CPED1: variants seen among roughly 807,000 people sequenced by gnomAD.
CPED1 encodes cadherin-like and PC-esterase domain-containing protein 1.
Under a neutral mutation model 128.2 loss-of-function variants are expected in CPED1, and 114 were observed. That is an observed-to-expected ratio of 0.89 (90% CI 0.76 to 1.04). The LOEUF is 1.04. CPED1 is among the 50% of genes least tolerant of loss of function. The probability of loss-of-function intolerance (pLI) is 0.00; values close to 1 mark genes in which losing one functional copy is unlikely to be tolerated. For synonymous variants in CPED1, 462 were observed against 426.7 expected (o/e 1.08, Z -1.02); for missense variants, 1,211 against 1,207.1 (o/e 1.00, Z -0.05).
chr7:121,055,910 G>A (rs1053437555), intron 4 of CPED1, among the ~76,000 whole-genome samples: 1 of 151,922 alleles, frequency 6.6e-6, no homozygotes, highest in African/African-American at 2.4e-5. Flanking sequence ...AATTTTGAAT[G>A]TGTTTTATCT....
At chr7:121,166,001 A>T (rs1273346247) in intron 16 of CPED1, among the ~76,000 whole-genome samples, 2 of 152,178 alleles carry the variant, frequency 1.3e-5, no homozygotes, top group Non-Finnish European at 2.9e-5. Flanking sequence ...GGCTATTTTG[A>T]CAAATCAACA....
intron 7 of CPED1, among the ~76,000 whole-genome samples, chr7:121,111,919 A>G (rs558071616): frequency 4.8e-4 from 73 of 152,316 alleles, no homozygotes; most frequent in Non-Finnish European, 9.7e-4. Context: ...TCATGGTTCT[A>G]TAAATTGTCT....
Position 121,294,978 on chromosome 7 carries a change from A to T in CPED1, c.2869-462A>T, listed in dbSNP as rs182392697. On this transcript the variant is annotated intron_variant, in intron 22 of 22. Coordinates refer to ENST00000310396, the MANE Select transcript of CPED1 (RefSeq NM_024913.5). ...GCTTATAAGTCTGCAATGGAAAAAA[A>T]TTTTTTCTTTTCTCTGAAAATAGTT... Among the ~76,000 whole-genome samples the T allele has an allele frequency of 2.6e-3, 393 of 152,162 alleles. 2 individuals are homozygous for T. The highest frequency in any genetic ancestry group is 4.2e-3 in the Admixed American group (64 of 15,290).
At chr7:121,067,027 C>T (rs1283669905) in intron 5 of CPED1, among the ~76,000 whole-genome samples, 1 of 151,934 alleles carries the variant, frequency 6.6e-6, no homozygotes, top group Non-Finnish European at 1.5e-5. Flanking sequence ...GGAACTTGAG[C>T]ACCCATGGAT....
rs149776557 is a variant in CPED1 at position 121,232,592 on chromosome 7, G to A, written c.2056-4122G>A. Among the ~76,000 whole-genome samples, 551 of 152,182 alleles carry A rather than the reference G, an allele frequency of 3.6e-3. 6 individuals are homozygous for A. Among genetic ancestry groups the A allele is most frequent in the African/African-American group, 0.013 (530 of 41,542 alleles). ...GCTAAGAGTGAATTTATCTCCCCAG[G>A]AATGTCAGTTCTTCTGGGGAAAGGA... On this transcript the variant is annotated intron_variant, in intron 16 of 22. Transcript: ENST00000310396.
At chr7:121,042,065 C>T (rs1793071291) in intron 3 of CPED1, among the ~76,000 whole-genome samples, 1 of 151,662 alleles carries the variant, frequency 6.6e-6, no homozygotes, top group Admixed American at 6.6e-5. Context: ...TATTTAAGAC[C>T]TTGGTAAGCC....
At chr7:121,169,963 C>T (rs1247943467) in intron 16 of CPED1, among the ~76,000 whole-genome samples, 1 of 152,124 alleles carries the variant, frequency 6.6e-6, no homozygotes, top group African/African-American at 2.4e-5. Flanking sequence ...CTTTGATCCC[C>T]ACCTTACACT....
Position 121,105,466 on chromosome 7 carries a change from T to G in CPED1, c.918+5372T>G, listed in dbSNP as rs79063145. On this transcript the variant is annotated intron_variant, in intron 7 of 22. Coordinates refer to ENST00000310396, the MANE Select transcript of CPED1 (RefSeq NM_024913.5). ...GCAGACCTTGTAAAAGGCTTTTGAC[T>G]GAGCATCTGGCCCTTCGCTAGGCCC... is the stretch of plus-strand genomic sequence containing the variant. Among the ~76,000 whole-genome samples the G allele has an allele frequency of 2.7e-3, 415 of 152,254 alleles. 2 individuals are homozygous for G. Among genetic ancestry groups the G allele is most frequent in the Non-Finnish European group, 4.9e-3 (336 of 67,998 alleles).
intron 7 of CPED1, among the ~76,000 whole-genome samples, chr7:121,116,874 GCA>G (rs932565855): frequency 4.6e-5 from 7 of 150,836 alleles, no homozygotes; most frequent in East Asian, 3.9e-4. Context: ...CATGTAAAAT[GCA>G]CAGTGTCTGC....
chr7:121,284,179 G>A (rs1409989889), intron 22 of CPED1, among the ~76,000 whole-genome samples: 1 of 152,134 alleles, frequency 6.6e-6, no homozygotes, highest in East Asian at 1.9e-4. Context: ...GAGTGAAGTG[G>A]GGGAAAAGTC....
In CPED1 at chr7:121,187,479, G is replaced by A. The variant is rs1474862909; in HGVS notation, c.2055+45338G>A. Among the ~76,000 whole-genome samples the A allele has an allele frequency of 2.0e-5, 3 of 152,166 alleles. 1 individual carries two copies. Among genetic ancestry groups the A allele is most frequent in the Non-Finnish European group, 2.9e-5 (2 of 68,036 alleles). ...GGGTGATATATGAAGAGGATGGACA[G>A]GTAGATGGGGATAGATCACATGTGC... On this transcript the variant is annotated intron_variant, in intron 16 of 22. Transcript: ENST00000310396.
intron 3 of CPED1, among the ~76,000 whole-genome samples, chr7:121,039,315 G>A (rs997955797): frequency 3.9e-5 from 6 of 151,912 alleles, no homozygotes; most frequent in African/African-American, 1.2e-4. Flanking sequence ...TGTCTTCGAC[G>A]TACCTTTGTT....
At chr7:121,045,534 T>G (rs1373330518) in intron 3 of CPED1, among the ~76,000 whole-genome samples, 1 of 152,224 alleles carries the variant, frequency 6.6e-6, no homozygotes, top group Non-Finnish European at 1.5e-5. Context: ...CATAAAGCCT[T>G]TCTTTGGAAA....
intron 16 of CPED1, among the ~76,000 whole-genome samples, chr7:121,154,950 C>T (rs1796251939): frequency 6.6e-6 from 1 of 152,170 alleles, no homozygotes. Context: ...TCACAGATGA[C>T]ATGATCTTAT....
At chr7:121,220,737 G>C (rs1459511446) in intron 16 of CPED1, among the ~76,000 whole-genome samples, 1 of 151,906 alleles carries the variant, frequency 6.6e-6, no homozygotes, top group South Asian at 2.1e-4. Flanking sequence ...AAAATAAAAA[G>C]TAAAAGTGCA....
Position 121,015,835 on chromosome 7 carries a change from G to T in CPED1, c.420G>T (p.Gly140=). ...GGCTCAATGCTGGCCTAGGGCCGGG[G>T]CTACTAGAACAAGGTCAGAATAGTG... ...EERLNAGLGP[G]LLEQGDLGSW... is the part of the protein sequence containing the mutation. Residue 140 remains glycine, a synonymous_variant, in exon 3 of 23, where the codon GGG becomes GGT. Coordinates refer to ENST00000310396, the MANE Select transcript of CPED1 (RefSeq NM_024913.5). The T allele has an allele frequency of 6.4e-7, 1 of 1,555,392 alleles. No homozygotes were observed. Among genetic ancestry groups the T allele is most frequent in the South Asian group, 1.3e-5 (1 of 79,824 alleles).
chr7:121,243,981 T>C (rs1347406946), intron 17 of CPED1, among the ~76,000 whole-genome samples: 1 of 152,246 alleles, frequency 6.6e-6, no homozygotes, highest in Non-Finnish European at 1.5e-5. Flanking sequence ...ACAGAGCTCA[T>C]ACTTGATTTT....
At chr7:121,152,248 C>A (rs546217117) in intron 16 of CPED1, among the ~76,000 whole-genome samples, 1 of 152,018 alleles carries the variant, frequency 6.6e-6, no homozygotes, top group Non-Finnish European at 1.5e-5. Context: ...TCCCCCAGCT[C>A]CCCACCCCTC....
At chr7:121,039,654 C>T (rs531192505) in intron 3 of CPED1, among the ~76,000 whole-genome samples, 18 of 152,042 alleles carry the variant, frequency 1.2e-4, no homozygotes, top group Admixed American at 5.2e-4. Flanking sequence ...AATGTAAGCA[C>T]GCATACCCAC....
Sources: allele counts gnomAD v4.1 joint callset (sites outside exome capture counted in the v4.1 genomes callset), GRCh38; gene constraint gnomAD v4.1.1; transcripts MANE v1.5; gene names NCBI Gene and HGNC (gene_info 2026-07-23, HGNC 2026-07-21).